The following LPP variants were observed in gnomAD, a reference collection of about 807,000 sequenced individuals.
LPP encodes the protein lipoma-preferred partner.
A neutral mutation model predicts 60.4 loss-of-function variants in LPP; 38 were observed. The ratio of observed to expected loss-of-function variants is 0.63; its 90% CI spans 0.49 to 0.83. LPP has a LOEUF of 0.83. LPP is among the 40% of genes least tolerant of loss of function. The probability of loss-of-function intolerance (pLI) is 0.00; values close to 1 mark genes in which losing one functional copy is unlikely to be tolerated. For missense variants in LPP, 902 were observed against 783.6 expected (o/e 1.15, Z -1.80); for synonymous variants, 328 against 290.8 (o/e 1.13, Z -1.30).
intron 7 of LPP, among the ~76,000 whole-genome samples, chr3:188,625,961 G>T (rs188521662): frequency 1.3e-5 from 2 of 152,228 alleles, no homozygotes; most frequent in African/African-American, 4.8e-5. Flanking sequence ...CTAACAAACC[G>T]AATGGGCCTT....
intron 8 of LPP, among the ~76,000 whole-genome samples, chr3:188,720,751 C>A (rs1716034786): frequency 6.6e-6 from 1 of 152,158 alleles, no homozygotes; most frequent in African/African-American, 2.4e-5. Flanking sequence ...GCTCTGATCT[C>A]AGTCCTCACT....
chr3:188,375,059 A>C (rs1370125758), intron 3 of LPP, among the ~76,000 whole-genome samples: 1 of 152,160 alleles, frequency 6.6e-6, no homozygotes, highest in East Asian at 1.9e-4. Context: ...GATGAAACCC[A>C]CTTGATCATG....
intron 9 of LPP, among the ~76,000 whole-genome samples, chr3:188,848,334 C>T (rs1414158990): frequency 2.0e-5 from 3 of 152,186 alleles, no homozygotes; most frequent in African/African-American, 7.2e-5. Flanking sequence ...TGCTTGAGAA[C>T]TGTTTCCACC....
chr3:188,304,750 G>A (rs1577978031), intron 2 of LPP, among the ~76,000 whole-genome samples: 1 of 152,222 alleles, frequency 6.6e-6, no homozygotes, highest in East Asian at 1.9e-4. Context: ...AAGTTCCTTT[G>A]CAGTTATATT....
chr3:188,709,308 G>A (rs2149707968), intron 8 of LPP: 1 of 152,208 alleles, frequency 6.6e-6, no homozygotes, highest in South Asian at 2.1e-4. Context: ...AGTGATAAAA[G>A]ACATGAGAAG....
At chr3:188,818,446 G>C (rs771481808) in intron 9 of LPP, among the ~76,000 whole-genome samples, 1 of 152,108 alleles carries the variant, frequency 6.6e-6, no homozygotes, top group South Asian at 2.1e-4. Flanking sequence ...AGAAGATTAC[G>C]TAGTGTCTGT....
chr3:188,366,982 C>T (rs918198617), intron 3 of LPP, among the ~76,000 whole-genome samples: 45 of 151,984 alleles, frequency 3.0e-4, no homozygotes, highest in African/African-American at 9.4e-4. Flanking sequence ...CTGCAAGCTC[C>T]GCCTCCTGGG....
intron 7 of LPP, among the ~76,000 whole-genome samples, chr3:188,699,766 C>T (rs960993249): frequency 3.3e-5 from 5 of 152,108 alleles, no homozygotes; most frequent in African/African-American, 9.7e-5. Flanking sequence ...CTGTGGCCAT[C>T]GCTTTTAACC....
At chr3:188,324,690 A>G (rs918453973) in intron 2 of LPP, among the ~76,000 whole-genome samples, 27 of 152,160 alleles carry the variant, frequency 1.8e-4, no homozygotes, top group African/African-American at 6.3e-4. Flanking sequence ...ATTGTCTTCT[A>G]CTTTTATGGT....
intron 9 of LPP, among the ~76,000 whole-genome samples, chr3:188,807,115 A>G (rs1347653384): frequency 9.3e-6 from 1 of 108,088 alleles, no homozygotes; most frequent in Non-Finnish European, 1.8e-5. Flanking sequence ...CCAAGTAGAG[A>G]ATTGGTTGGC....
intron 9 of LPP, among the ~76,000 whole-genome samples, chr3:188,864,202 A>C (rs1449748541): frequency 1.3e-5 from 2 of 152,200 alleles, no homozygotes. Flanking sequence ...AGGCATACGA[A>C]GCAATTTCAG....
At chr3:188,843,306 G>A (rs1171643236) in intron 9 of LPP, among the ~76,000 whole-genome samples, 1 of 152,078 alleles carries the variant, frequency 6.6e-6, no homozygotes, top group East Asian at 1.9e-4. Flanking sequence ...TTTTCTACTA[G>A]CGTCATGTGA....
chr3:188,344,122 AGG>A (rs1347603096), intron 3 of LPP, among the ~76,000 whole-genome samples: 2 of 152,234 alleles, frequency 1.3e-5, no homozygotes, highest in Non-Finnish European at 2.9e-5. Context: ...GAACGAGAAC[AGG>A]CTTCTGGCCT....
chr3:188,342,164 T>G (rs1458184646), intron 3 of LPP, among the ~76,000 whole-genome samples: 1 of 152,200 alleles, frequency 6.6e-6, no homozygotes, highest in East Asian at 1.9e-4. Flanking sequence ...GCCAAATATT[T>G]ATGGCTGGGT....
chr3:188,222,249 G>C (rs1204148245), intron 1 of LPP, among the ~76,000 whole-genome samples: 1 of 152,082 alleles, frequency 6.6e-6, no homozygotes, highest in Non-Finnish European at 1.5e-5. Context: ...TGAGTTTACA[G>C]TCAGGAGACA....
chr3:188,640,230 A>T (rs1849769318), intron 7 of LPP, among the ~76,000 whole-genome samples: 1 of 151,598 alleles, frequency 6.6e-6, no homozygotes, highest in Non-Finnish European at 1.5e-5. Context: ...GACATGGATG[A>T]AATTGGAAAT....
At chr3:188,289,003 G>A (rs894999475) in intron 2 of LPP, among the ~76,000 whole-genome samples, 3 of 152,074 alleles carry the variant, frequency 2.0e-5, no homozygotes, top group Non-Finnish European at 2.9e-5. Context: ...CTTAGGAAAT[G>A]TATCAGAAAT....
At chr3:188,284,792 G>A (rs1242616999) in intron 2 of LPP, among the ~76,000 whole-genome samples, 1 of 152,202 alleles carries the variant, frequency 6.6e-6, no homozygotes, top group Non-Finnish European at 1.5e-5. Context: ...AGCATGTAGG[G>A]AAAGGGCCTC....
At chr3:188,701,283 C>G (rs889896810) in intron 7 of LPP, among the ~76,000 whole-genome samples, 5 of 151,626 alleles carry the variant, frequency 3.3e-5, no homozygotes, top group Non-Finnish European at 7.4e-5. Context: ...GTAAATTTGG[C>G]TTCATATTAA....
Sources: gnomAD v4.1 joint callset for allele counts (sites outside exome capture counted in the v4.1 genomes callset) on GRCh38, gnomAD v4.1.1 for gene constraint, MANE v1.5 for transcripts, NCBI Gene and HGNC (gene_info 2026-07-23, HGNC 2026-07-21) for gene names.